The following RANBP2 variants were observed in gnomAD, a reference collection of about 807,000 sequenced individuals.
RANBP2 encodes the protein E3 SUMO-protein ligase RanBP2.
RANBP2 carries 57 observed loss-of-function variants against 303.6 expected under a neutral mutation model. The observed-to-expected ratio is 0.19, with a 90% confidence interval of 0.15 to 0.23. RANBP2 has a LOEUF of 0.23. Ranked by LOEUF, RANBP2 falls within the 10% of genes least tolerant of loss-of-function variation. The pLI is 1.00. For synonymous variants in RANBP2, 1,167 were observed against 1,301.5 expected (o/e 0.90, Z 2.23); for missense variants, 3,138 against 3,780.8 (o/e 0.83, Z 4.46).
the RANBP2 span, among the ~76,000 whole-genome samples, chr2:109,131,497 A>T: frequency 6.6e-6 from 1 of 152,224 alleles, no homozygotes; most frequent in Admixed American, 6.5e-5. Context: ...CTGATAAATT[A>T]TGTGATATTC....
the RANBP2 span, chr2:109,615,435 G>A: frequency 6.2e-7 from 1 of 1,613,032 alleles, no homozygotes; most frequent in Non-Finnish European, 8.5e-7. Context: ...CGGCAGGCAG[G>A]AGCTTCTGGC....
the RANBP2 span, among the ~76,000 whole-genome samples, chr2:109,253,597 ATTTAACAGTC>A: frequency 6.6e-6 from 1 of 152,164 alleles, no homozygotes; most frequent in Non-Finnish European, 1.5e-5. Context: ...ATTCTGACTA[ATTTAACAGTC>A]TTTCGGTTTA....
the RANBP2 span, among the ~76,000 whole-genome samples, chr2:109,095,428 A>G: frequency 6.6e-6 from 1 of 152,348 alleles, no homozygotes; most frequent in East Asian, 1.9e-4. Context: ...AGGGAATGTA[A>G]TTTTGTCTAA....
chr2:109,191,347 G>A, the RANBP2 span, among the ~76,000 whole-genome samples: 1 of 152,216 alleles, frequency 6.6e-6, no homozygotes, highest in Non-Finnish European at 1.5e-5. Context: ...GGACCCTGGA[G>A]GGGCCTTGCA....
the RANBP2 span, among the ~76,000 whole-genome samples, chr2:109,469,717 A>T: frequency 6.6e-6 from 1 of 152,222 alleles, no homozygotes; most frequent in Non-Finnish European, 1.5e-5. Context: ...GTCTGGCAGA[A>T]CGCTGAAAAG....
At chr2:109,141,927 A>G in the RANBP2 span, among the ~76,000 whole-genome samples, 1 of 151,960 alleles carries the variant, frequency 6.6e-6, no homozygotes, top group South Asian at 2.1e-4. Context: ...TGCAGGTGGC[A>G]GGGCCCTTTC....
At chr2:109,722,863 T>C in the RANBP2 span, among the ~76,000 whole-genome samples, 824 of 152,370 alleles carry the variant, frequency 5.4e-3, 2 homozygotes, top group South Asian at 0.026. Context: ...TACCACATTT[T>C]CTATCATTGA....
At chr2:109,051,277 T>G in the RANBP2 span, among the ~76,000 whole-genome samples, 3 of 152,238 alleles carry the variant, frequency 2.0e-5, no homozygotes, top group Non-Finnish European at 2.9e-5. Flanking sequence ...TCTTGTCTGT[T>G]CTGAGTTGCT....
At chr2:109,387,819 A>G in the RANBP2 span, among the ~76,000 whole-genome samples, 2,482 of 152,112 alleles carry the variant, frequency 0.016, 78 homozygotes, top group African/African-American at 0.053. Context: ...TAGGTGCCCA[A>G]TTCCACCTTC....
the RANBP2 span, among the ~76,000 whole-genome samples, chr2:109,628,784 T>C: frequency 6.6e-6 from 1 of 151,984 alleles, no homozygotes; most frequent in South Asian, 2.1e-4. Flanking sequence ...AGGTAGTGTG[T>C]TTATCTACTT....
At chr2:109,001,034 AC>A in the RANBP2 span, among the ~76,000 whole-genome samples, 3 of 152,166 alleles carry the variant, frequency 2.0e-5, no homozygotes, top group East Asian at 5.8e-4. Flanking sequence ...AGATCAGAGA[AC>A]CCTCACCCCA....
chr2:109,613,383 G>A, the RANBP2 span: 40 of 326,998 alleles, frequency 1.2e-4, no homozygotes, highest in Middle Eastern at 1.2e-3. Flanking sequence ...GGGGAGCCGG[G>A]CTTTCTCCCG....
chr2:109,516,196 A>G, the RANBP2 span, among the ~76,000 whole-genome samples: 1 of 152,004 alleles, frequency 6.6e-6, no homozygotes. Flanking sequence ...CTGGCACTCT[A>G]CAACACATGG....
the RANBP2 span, among the ~76,000 whole-genome samples, chr2:109,778,327 C>G: frequency 7.0e-6 from 1 of 142,784 alleles, no homozygotes; most frequent in Non-Finnish European, 1.5e-5. Flanking sequence ...TTGCCTAACT[C>G]TAAGGGCTGT....
chr2:109,283,447 G>A, the RANBP2 span, among the ~76,000 whole-genome samples: 1 of 152,212 alleles, frequency 6.6e-6, no homozygotes, highest in Admixed American at 6.5e-5. Context: ...GCTCCCCTGT[G>A]GAGGAGCACT....
chr2:109,187,857 G>A, the RANBP2 span, among the ~76,000 whole-genome samples: 1 of 152,194 alleles, frequency 6.6e-6, no homozygotes, highest in Non-Finnish European at 1.5e-5. Flanking sequence ...TATCAGCACG[G>A]ACTGGGTGCT....
chr2:109,164,170 T>C, the RANBP2 span, among the ~76,000 whole-genome samples: 1 of 149,514 alleles, frequency 6.7e-6, no homozygotes, highest in Non-Finnish European at 1.5e-5. Flanking sequence ...TGCCTCTCTC[T>C]TTTTTTTTTC....
At chr2:109,593,949 A>C in the RANBP2 span, among the ~76,000 whole-genome samples, 1 of 152,172 alleles carries the variant, frequency 6.6e-6, no homozygotes, top group Admixed American at 6.5e-5. Context: ...TCCTTACAAT[A>C]CATCTGAGCT....
the RANBP2 span, among the ~76,000 whole-genome samples, chr2:109,620,534 T>A: frequency 6.6e-6 from 1 of 152,210 alleles, no homozygotes; most frequent in Admixed American, 6.5e-5. Context: ...AAACCCAGTC[T>A]CTACAAAAAA....
Sources: allele counts gnomAD v4.1 joint callset (sites outside exome capture counted in the v4.1 genomes callset), GRCh38; gene constraint gnomAD v4.1.1; transcripts MANE v1.5; gene names NCBI Gene and HGNC (gene_info 2026-07-23, HGNC 2026-07-21).